Variants in CALD1 observed in about 807,000 individuals in gnomAD.
CALD1 encodes caldesmon.
In CALD1, 33 loss-of-function variants were observed where a neutral mutation model predicts 99.9. That is an observed-to-expected ratio of 0.33 (90% CI 0.25 to 0.44). CALD1 has a LOEUF of 0.44. Ranked by LOEUF, CALD1 falls within the 20% of genes least tolerant of loss-of-function variation. The pLI is 1.00. For missense variants in CALD1, 861 were observed against 962.1 expected, an observed-to-expected ratio of 0.89 and a Z score of 1.39; for synonymous variants, 310 against 325.0, an observed-to-expected ratio of 0.95 and a Z score of 0.50.
At chr7:134,724,875 G>T in the CALD1 span, among the ~76,000 whole-genome samples, 8 of 152,274 alleles carry the variant, frequency 5.3e-5, no homozygotes, top group African/African-American at 1.7e-4. Context: ...CCTTAAGAAC[G>T]TGTATCAGCC....
At chr7:134,829,457 T>C (rs1023847864) in intron 1 of CALD1, among the ~76,000 whole-genome samples, 2 of 152,194 alleles carry the variant, frequency 1.3e-5, no homozygotes, top group Admixed American at 6.5e-5. Flanking sequence ...TTAAGAAAGG[T>C]TAAGAATTAT....
In CALD1 at chr7:134,831,156, T is replaced by C. The variant is rs183384752; in HGVS notation, c.-129-12728T>C. Among the ~76,000 whole-genome samples, 107 of 152,254 alleles carry C rather than the reference T, an allele frequency of 7.0e-4. 1 individual carries two copies. Among genetic ancestry groups the C allele is most frequent in the Admixed American group, 1.8e-3 (27 of 15,298 alleles). ...TTTTAAAAATTGTGTAAAAAATATG[T>C]ATAATATAATAAGTGAAAAAATTGA... On this transcript the variant is annotated intron_variant, in intron 1 of 14. Transcript: ENST00000361675.
chr7:134,779,024 C>T (rs552661779), upstream of CALD1, among the ~76,000 whole-genome samples: 2 of 152,268 alleles, frequency 1.3e-5, no homozygotes, highest in Non-Finnish European at 2.9e-5. Flanking sequence ...GTGCCTCTTT[C>T]AGGCTAGAAT....
chr7:134,864,074 G>C (rs1458854992), intron 2 of CALD1, among the ~76,000 whole-genome samples: 1 of 152,188 alleles, frequency 6.6e-6, no homozygotes, highest in Non-Finnish European at 1.5e-5. Context: ...GGGCAGGCTG[G>C]GTGCGGTGGC....
At chr7:134,940,191 T>C (rs754712495) in intron 6 of CALD1, among the ~76,000 whole-genome samples, 3 of 152,178 alleles carry the variant, frequency 2.0e-5, no homozygotes, top group Non-Finnish European at 2.9e-5. Context: ...CACTCATCTT[T>C]TAAGAATGGA....
chr7:134,766,275 C>T (rs747918171), intron 1 of CALD1, among the ~76,000 whole-genome samples: 3 of 151,026 alleles, frequency 2.0e-5, no homozygotes, highest in Non-Finnish European at 4.4e-5. Context: ...CCTCAGCCTC[C>T]CATGTAGCTG....
chr7:134,749,182 A>G (rs902413193), intron 1 of CALD1, among the ~76,000 whole-genome samples: 4 of 152,250 alleles, frequency 2.6e-5, no homozygotes, highest in African/African-American at 4.8e-5. Context: ...TAATATTTCA[A>G]GAAGTGGAGA....
intron 1 of CALD1, among the ~76,000 whole-genome samples, chr7:134,785,205 T>C (rs1417081916): frequency 6.6e-6 from 1 of 152,186 alleles, no homozygotes; most frequent in Non-Finnish European, 1.5e-5. Flanking sequence ...GATCACACAG[T>C]TCTTGATGAT....
chr7:134,750,258 G>GTC (rs35571307), intron 1 of CALD1, among the ~76,000 whole-genome samples: 99,630 of 151,134 alleles, frequency 0.66, 33,405 homozygotes, highest in East Asian at 0.99. Context: ...CAGGCTTGTG[G>GTC]TCTCTCTCTC....
intron 1 of CALD1, among the ~76,000 whole-genome samples, chr7:134,784,445 G>A (rs530919792): frequency 4.6e-5 from 7 of 152,270 alleles, no homozygotes; most frequent in African/African-American, 1.7e-4. Context: ...GTTCCACTGG[G>A]GTCAGGAGGA....
intron 1 of CALD1, among the ~76,000 whole-genome samples, chr7:134,751,144 C>A (rs935755740): frequency 1.3e-5 from 2 of 152,216 alleles, no homozygotes; most frequent in African/African-American, 4.8e-5. Flanking sequence ...ACCACCTGTA[C>A]ATGTCCTTGT....
chr7:134,788,330 C>T (rs1342002000), intron 1 of CALD1, among the ~76,000 whole-genome samples: 1 of 152,168 alleles, frequency 6.6e-6, no homozygotes, highest in Admixed American at 6.5e-5. Flanking sequence ...TCAGTGATGT[C>T]ATATTCAGAA....
At chr7:134,738,130 TC>T in the CALD1 span, among the ~76,000 whole-genome samples, 1 of 152,136 alleles carries the variant, frequency 6.6e-6, no homozygotes, top group Non-Finnish European at 1.5e-5. Flanking sequence ...TCCACCCCCA[TC>T]TTGTTCAGGC....
At chr7:134,891,400 AACGGGTTGGG>A in intron 3 of CALD1, 1 of 1,270,836 alleles carries the variant, frequency 7.9e-7, no homozygotes, top group Non-Finnish European at 9.9e-7. Context: ...GTGAGGAGGG[AACGGGTTGGG>A]AGGAGTAGAT....
At chr7:134,787,914 C>T (rs1352776426) in intron 1 of CALD1, among the ~76,000 whole-genome samples, 1 of 152,070 alleles carries the variant, frequency 6.6e-6, no homozygotes, top group Non-Finnish European at 1.5e-5. Flanking sequence ...TCCGTGTGTA[C>T]ATAGAAGCAG....
At chr7:134,859,640 C>G (rs1800476066) in intron 2 of CALD1, among the ~76,000 whole-genome samples, 1 of 152,182 alleles carries the variant, frequency 6.6e-6, no homozygotes, top group Non-Finnish European at 1.5e-5. Flanking sequence ...AATGTCAAAG[C>G]TTTATATGTC....
intron 3 of CALD1, among the ~76,000 whole-genome samples, chr7:134,890,774 G>A (rs769773267): frequency 3.7e-4 from 57 of 152,146 alleles, no homozygotes; most frequent in Admixed American, 2.2e-3. Context: ...GGGTGCAGAC[G>A]GGGCCTGCTG....
rs375449128 is a variant in CALD1 at position 134,947,616 on chromosome 7, G to C, written c.1641G>C (p.Glu547Asp). Residue 547 changes from glutamate (E) to aspartate (D), a missense_variant, in exon 8 of 15, where the codon GAG becomes GAC. Glu to Asp is a conservative substitution (Grantham distance 45, BLOSUM62 2). Around this residue, in one of 5 missense-constraint regions of CALD1, gnomAD observed 293 missense variants for 262.7 expected, o/e 1.12. Transcript: ENST00000361675. ...TTCGTCGTCGTCGCGGGGAGACCGAGAGCGAAGAGTTCGAGAAGCTCAAAC... is the reference window on the plus strand; with the variant it reads ...TTCGTCGTCGTCGCGGGGAGACCGACAGCGAAGAGTTCGAGAAGCTCAAAC... ...EELRRRRGET[E>D]SEEFEKLKQK... 5.8e-6 allele frequency: 9 copies of C among 1,564,654 alleles called. No individual in the cohort carries two copies. Among genetic ancestry groups the C allele is most frequent in the South Asian group, 4.7e-5 (4 of 85,478 alleles).
At position 134,933,415 on chromosome 7, in the gene CALD1, AC is replaced by A. The variant is rs779440942; in HGVS notation, c.647del (p.Thr216LysfsTer10). The A allele has an allele frequency of 2.5e-6, 4 of 1,613,446 alleles. No individual in the cohort carries two copies. Among genetic ancestry groups the A allele is most frequent in the Non-Finnish European group, 3.4e-6 (4 of 1,179,646 alleles). ...NQVEVMVEEK[T>X]TESQEETVVM... ...GGTAGAGGTGATGGTGGAAGAGAAAACAACTGAAAGCCAGGAGGAAACAGTG... is the reference window on the plus strand; with the variant it reads ...GGTAGAGGTGATGGTGGAAGAGAAAAAACTGAAAGCCAGGAGGAAACAGTG... On this transcript the variant is annotated frameshift_variant, in exon 5 of 15. Transcript: ENST00000361675. LOFTEE classifies it high-confidence loss of function.
Sources: gnomAD v4.1 joint callset for allele counts (sites outside exome capture counted in the v4.1 genomes callset) on GRCh38, gnomAD v4.1.1 for gene constraint, gnomAD v4.1.1 regional missense constraint, MANE v1.5 for transcripts, NCBI Gene and HGNC (gene_info 2026-07-23, HGNC 2026-07-21) for gene names.